AKAP13: variants seen among roughly 807,000 people sequenced by gnomAD.
AKAP13 encodes A-kinase anchor protein 13.
AKAP13 carries 80 observed loss-of-function variants against 264.5 expected under a neutral mutation model. The observed-to-expected ratio is 0.30, with a 90% CI of 0.25 to 0.36. AKAP13 has a LOEUF of 0.36. Among genes scored for constraint, AKAP13 ranks in the 10% least tolerant of loss-of-function variants. AKAP13 has a pLI of 1.00. For synonymous variants in AKAP13, 1,380 were observed against 1,250.2 expected, an observed-to-expected ratio of 1.10 and a Z score of -2.19; for missense variants, 3,712 against 3,435.2, an observed-to-expected ratio of 1.08 and a Z score of -2.01.
At chr15:85,728,349 A>T (rs2087745303) in intron 29 of AKAP13, among the ~76,000 whole-genome samples, 1 of 152,202 alleles carries the variant, frequency 6.6e-6, no homozygotes, top group African/African-American at 2.4e-5. Context: ...ACTGAGGGGG[A>T]AATTAAAAAT....
At chr15:85,644,106 A>G (rs2082433350) in intron 9 of AKAP13, among the ~76,000 whole-genome samples, 2 of 152,162 alleles carry the variant, frequency 1.3e-5, no homozygotes, top group African/African-American at 4.8e-5. Flanking sequence ...ACTCCTAGAT[A>G]GCCAGGTTTC....
At chr15:85,531,323 T>C (rs1379832958) in intron 3 of AKAP13, among the ~76,000 whole-genome samples, 1 of 152,244 alleles carries the variant, frequency 6.6e-6, no homozygotes, top group Non-Finnish European at 1.5e-5. Context: ...ATTGCAGTTA[T>C]CTGCAACTTG....
intron 1 of AKAP13, among the ~76,000 whole-genome samples, chr15:85,406,183 G>T (rs1373965445): frequency 1.3e-5 from 2 of 152,136 alleles, no homozygotes; most frequent in Non-Finnish European, 1.5e-5. Flanking sequence ...AACTAGAGTG[G>T]ATAAATAAAC....
intron 5 of AKAP13, among the ~76,000 whole-genome samples, chr15:85,553,842 A>G (rs979563140): frequency 2.0e-5 from 3 of 152,144 alleles, no homozygotes; most frequent in Admixed American, 2.0e-4. Context: ...TAGGAGTGGA[A>G]ACCGTATCGT....
chr15:85,532,566 A>G (rs1191819564), intron 3 of AKAP13, among the ~76,000 whole-genome samples: 2 of 152,246 alleles, frequency 1.3e-5, no homozygotes, highest in African/African-American at 4.8e-5. Context: ...CATCAGAAAG[A>G]TAATGGGAGA....
chr15:85,744,726 A>C lies in AKAP13; in HGVS notation c.*49A>C, dbSNP rs370369255. 4.5e-4 allele frequency: 691 copies of C among 1,529,982 alleles called. No homozygotes were observed. The highest frequency in any genetic ancestry group is 5.6e-4 in the Non-Finnish European group (632 of 1,131,458). 94.8% of individuals were successfully genotyped at this position (1,529,982 alleles called of 1,614,324 possible). A position where few individuals can be genotyped will look rare whatever the true frequency, so the allele number is the denominator to read the frequency against. On this transcript the variant is annotated 3_prime_UTR_variant, in exon 37 of 37. Coordinates refer to ENST00000394518, the MANE Select transcript of AKAP13 (RefSeq NM_007200.5). ...GCTGCCTCCTGATCCTGGCCAGCCC[A>C]CCTCTCCTGCTGTCCCCGCGTGCAC...
intron 5 of AKAP13, among the ~76,000 whole-genome samples, chr15:85,555,865 A>C (rs930484130): frequency 2.6e-5 from 4 of 152,230 alleles, no homozygotes; most frequent in African/African-American, 9.6e-5. Flanking sequence ...CTGTAACCTT[A>C]TCTCTGAGAA....
At chr15:85,551,637 T>A (rs1324884057) in intron 5 of AKAP13, among the ~76,000 whole-genome samples, 1 of 152,226 alleles carries the variant, frequency 6.6e-6, no homozygotes, top group East Asian at 1.9e-4. Context: ...CTGAGCAAGG[T>A]ATGTGTTTGT....
chr15:85,488,783 A>G (rs547324536), intron 2 of AKAP13, among the ~76,000 whole-genome samples: 142 of 152,358 alleles, frequency 9.3e-4, no homozygotes, highest in Non-Finnish European at 1.4e-3. Context: ...GAGACTCTAG[A>G]AGGAACACAG....
chr15:85,626,614 T>C (rs2081421547), intron 8 of AKAP13, among the ~76,000 whole-genome samples: 1 of 152,260 alleles, frequency 6.6e-6, no homozygotes, highest in South Asian at 2.1e-4. Context: ...ATTGTAAGTA[T>C]ATACCATATT....
chr15:85,578,677 T>A (rs1344302116), intron 6 of AKAP13, among the ~76,000 whole-genome samples: 1 of 152,190 alleles, frequency 6.6e-6, no homozygotes, highest in Non-Finnish European at 1.5e-5. Flanking sequence ...TAAAATAAGT[T>A]CAAAATTTAG....
chr15:85,644,901 G>A (rs2082484524), intron 9 of AKAP13, among the ~76,000 whole-genome samples: 1 of 152,124 alleles, frequency 6.6e-6, no homozygotes, highest in Admixed American at 6.5e-5. Flanking sequence ...TTGGTACCCA[G>A]TCACATGTCA....
rs1216242149 is a variant in AKAP13 at position 85,579,983 on chromosome 15, T to A, written c.1915T>A (p.Ser639Thr). 2 of 1,614,068 alleles carry A rather than the reference T, an allele frequency of 1.2e-6. No homozygotes were observed. The highest frequency in any genetic ancestry group is 1.7e-6 in the Non-Finnish European group (2 of 1,180,040). ...VMPHQNSETN[S>T]SHAQSQKGKS... The stretch of plus-strand genomic sequence containing the variant: ...GCCACACCAGAACTCAGAAACAAAT[T>A]CATCTCATGCTCAAAGCCAAAAGGG... Residue 639 changes from serine (S) to threonine (T), a missense_variant, in exon 7 of 37, where the codon TCA (serine) becomes ACA (threonine). This residue lies in a region of AKAP13 where 2,759 missense variants were observed against 2,411.7 expected (regional missense o/e 1.14). Transcript: ENST00000394518.
chr15:85,744,011 CTG>C (rs2089255563), intron 36 of AKAP13, 186 bp downstream of exon 36: 2 of 654,766 alleles, frequency 3.1e-6, no homozygotes, highest in African/African-American at 1.8e-5. Context: ...AGAACCCACT[CTG>C]TGTGGCACGT....
intron 1 of AKAP13, among the ~76,000 whole-genome samples, chr15:85,477,788 G>A (rs1051672315): frequency 6.6e-6 from 1 of 152,028 alleles, no homozygotes; most frequent in Non-Finnish European, 1.5e-5. Flanking sequence ...TGTCACAGTG[G>A]TTTATGTATT....
chr15:85,560,969 G>C (rs2078349930), intron 5 of AKAP13, among the ~76,000 whole-genome samples: 1 of 151,716 alleles, frequency 6.6e-6, no homozygotes, highest in African/African-American at 2.4e-5. Context: ...GTCTCTGCAG[G>C]AGCTTTAAAA....
intron 8 of AKAP13, among the ~76,000 whole-genome samples, chr15:85,608,560 C>T (rs1386081742): frequency 2.6e-5 from 4 of 152,046 alleles, no homozygotes; most frequent in Non-Finnish European, 4.4e-5. Flanking sequence ...GAGTCTAAGC[C>T]CCATAGTGGT....
intron 8 of AKAP13, chr15:85,624,588 G>GT (rs1318947209): frequency 6.6e-6 from 1 of 152,244 alleles, no homozygotes; most frequent in Non-Finnish European, 1.5e-5. Context: ...TGACTCAAGT[G>GT]TTGGCTTCTA....
chr15:85,477,341 C>T (rs1023670597), intron 1 of AKAP13, among the ~76,000 whole-genome samples: 4 of 151,764 alleles, frequency 2.6e-5, no homozygotes, highest in Non-Finnish European at 5.9e-5. Context: ...GAAGAATGAT[C>T]TGGGCTACTT....
Sources: gnomAD v4.1 joint callset for allele counts (sites outside exome capture counted in the v4.1 genomes callset) on GRCh38, gnomAD v4.1.1 for gene constraint, gnomAD v4.1.1 regional missense constraint, MANE v1.5 for transcripts, NCBI Gene and HGNC (gene_info 2026-07-23, HGNC 2026-07-21) for gene names.